HYPK: variants seen among roughly 807,000 people sequenced by gnomAD.
HYPK encodes the protein huntingtin-interacting protein K.
A neutral mutation model predicts 13.9 loss-of-function variants in HYPK; 9 were observed. That is an observed-to-expected ratio of 0.65 (90% CI 0.39 to 1.13). HYPK has a LOEUF of 1.13. HYPK is among the 50% of genes most tolerant of loss of function. The probability of loss-of-function intolerance (pLI) is 0.01; values close to 1 mark genes in which losing one functional copy is unlikely to be tolerated. For synonymous variants in HYPK, 76 were observed against 57.0 expected (o/e 1.33, Z -1.50); for missense variants, 138 against 157.6 (o/e 0.88, Z 0.67).
rs186745169 is a variant in HYPK, at chr15:43,802,739, G to C, written c.*933G>C. 2.6e-5 allele frequency: 4 copies of C among 152,234 alleles called. No individual in the cohort carries two copies. The highest frequency in any genetic ancestry group is 6.6e-5 in the Admixed American group (1 of 15,264). The allele number at this position is 152,234 out of a possible 1,614,324, so 9.4% of individuals were successfully genotyped here. A position where few individuals can be genotyped will look rare whatever the true frequency, so the allele number is the denominator to read the frequency against. On this transcript the variant is annotated 3_prime_UTR_variant, in exon 4 of 4. Coordinates refer to ENST00000442995, the MANE Select transcript of HYPK (RefSeq NM_016400.4). ...ATACAAAAAAAATAAAATTAGCCAG[G>C]CGTGGTGGTGCATGCCTGTAGTCCC...
chr15:43,804,361 G>C lies in HYPK; in HGVS notation c.*2555G>C, dbSNP rs1163074764. 1 of 152,144 alleles carries C rather than the reference G, an allele frequency of 6.6e-6. No homozygotes were observed. The highest frequency in any genetic ancestry group is 1.9e-4 in the East Asian group (1 of 5,194). The allele number at this position is 152,144 out of a possible 1,614,324, so 9.4% of individuals were successfully genotyped here. Reference sequence around the variant, plus strand: ...TTCCAGTGGGACATTTAAAGGATGTGAGAAGACCTTGGTCTTCTCAAAAAC... The same window carrying C: ...TTCCAGTGGGACATTTAAAGGATGTCAGAAGACCTTGGTCTTCTCAAAAAC... On this transcript the variant is annotated 3_prime_UTR_variant, in exon 4 of 4. Coordinates refer to ENST00000442995, the MANE Select transcript of HYPK (RefSeq NM_016400.4).
In HYPK at chr15:43,804,311, C is replaced by G. The variant is rs899105175; in HGVS notation, c.*2505C>G. Among the ~76,000 whole-genome samples the G allele has an allele frequency of 2.6e-5, 4 of 152,140 alleles. No individual in the cohort carries two copies. Among genetic ancestry groups the G allele is most frequent in the Non-Finnish European group, 5.9e-5 (4 of 68,010 alleles). ...AGTAATTATTTGCATTCATTTTTAT[C>G]GTACGACACTAAACTATTTGATTCT... On this transcript the variant is annotated 3_prime_UTR_variant, in exon 4 of 4. Transcript: ENST00000442995.
At chr15:43,800,533 C>T (rs749377119), upstream of HYPK, 37 of 1,552,452 alleles carry the variant, frequency 2.4e-5, no homozygotes, top group Non-Finnish European at 3.3e-5. Flanking sequence ...TGGCCCAGGG[C>T]CAGCCCCGCC....
chr15:43,800,464 T>C, upstream of HYPK: 1 of 978,588 alleles, frequency 1.0e-6, no homozygotes, highest in Non-Finnish European at 1.6e-6. Context: ...CGAAAGGAAG[T>C]CTGAGAGACG....
upstream of HYPK, chr15:43,800,505 T>C: frequency 1.5e-6 from 2 of 1,340,388 alleles, no homozygotes; most frequent in Non-Finnish European, 2.1e-6. Flanking sequence ...CTTCTAGAAC[T>C]GGAGCAGAAA....
intron 3 of HYPK, 69 bp downstream of exon 3, chr15:43,801,638 A>C: frequency 6.2e-7 from 1 of 1,609,048 alleles, no homozygotes; most frequent in East Asian, 2.2e-5. Context: ...TTGTTTCCTG[A>C]AACAAGCGGA....
intron 1 of HYPK, 32 bp downstream of exon 1, chr15:43,800,816 CTG>C (rs1279134881): frequency 6.4e-7 from 1 of 1,571,170 alleles, no homozygotes; most frequent in Non-Finnish European, 8.7e-7. Flanking sequence ...TCGGGGCGGG[CTG>C]AGAGCAGAGG....
chr15:43,801,305 A>C (rs766662271), intron 2 of HYPK, 118 bp downstream of exon 2: 7 of 986,066 alleles, frequency 7.1e-6, no homozygotes, highest in Non-Finnish European at 1.1e-5. Context: ...ATTCCTGCAG[A>C]TCTAGGCGCC....
chr15:43,800,889 A>C (rs1344167394), intron 1 of HYPK, 105 bp downstream of exon 1: 3 of 1,163,336 alleles, frequency 2.6e-6, no homozygotes, highest in Non-Finnish European at 3.6e-6. Context: ...TCCCGTTGGC[A>C]GGAGGAGGCA....
In HYPK at chr15:43,803,968, T is replaced by C. The variant is rs1186750071; in HGVS notation, c.*2162T>C. The stretch of plus-strand genomic sequence containing the variant: ...AAGATCAAGACCATCCTGGCTAACA[T>C]GGTGAAACCCCGTCTCTACTAAAAA... On this transcript the variant is annotated 3_prime_UTR_variant, in exon 4 of 4. Transcript: ENST00000442995. Among the ~76,000 whole-genome samples, 1 of 151,206 alleles carries C rather than the reference T, an allele frequency of 6.6e-6. No homozygotes were observed. The highest frequency in any genetic ancestry group is 6.6e-5 in the Admixed American group (1 of 15,186).
rs1491392249 is a variant in HYPK, at chr15:43,803,825, C to CA, written c.*2020dup. Among the ~76,000 whole-genome samples, 3 of 150,544 alleles carry CA rather than the reference C, an allele frequency of 2.0e-5. No homozygotes were observed. Among genetic ancestry groups the CA allele is most frequent in the Admixed American group, 6.6e-5 (1 of 15,108 alleles). ...AAAAAAAAATCAGCTTGGACCAACT[C>CA]ACACATGTTGAACTAGTTTCCTCAA... On this transcript the variant is annotated 3_prime_UTR_variant, in exon 4 of 4. Transcript: ENST00000442995.
Position 43,803,206 on chromosome 15 carries a change from T to A in HYPK, c.*1400T>A, listed in dbSNP as rs1036311347. 7.0e-6 allele frequency among the ~76,000 whole-genome samples: 1 copy of A among 142,686 alleles called. No individual in the cohort carries two copies. Among genetic ancestry groups the A allele is most frequent in the Non-Finnish European group, 1.5e-5 (1 of 65,684 alleles). 93.6% of individuals were successfully genotyped at this position (142,686 alleles called of 152,430 possible). A position where few individuals can be genotyped will look rare whatever the true frequency, so the allele number is the denominator to read the frequency against. ...GATTTCCAGACCAGCCTGGGCAACATAGCATGACCTTGTCTCTACTAAAAT... is the reference window on the plus strand; with the variant it reads ...GATTTCCAGACCAGCCTGGGCAACAAAGCATGACCTTGTCTCTACTAAAAT... On this transcript the variant is annotated 3_prime_UTR_variant, in exon 4 of 4. Transcript: ENST00000442995.
In HYPK at chr15:43,803,227, A is replaced by G. The variant is rs1287829910; in HGVS notation, c.*1421A>G. Among the ~76,000 whole-genome samples the G allele has an allele frequency of 6.6e-6, 1 of 150,912 alleles. No individual in the cohort carries two copies. Among genetic ancestry groups the G allele is most frequent in the Non-Finnish European group, 1.5e-5 (1 of 67,736 alleles). On this transcript the variant is annotated 3_prime_UTR_variant, in exon 4 of 4. Transcript: ENST00000442995. ...AACATAGCATGACCTTGTCTCTACT[A>G]AAATTAAAAAAAAAAAAAGCCAGGC...
intron 1 of HYPK, 91 bp downstream of exon 1, chr15:43,800,875 C>G (rs2087304549): frequency 1.6e-6 from 2 of 1,274,252 alleles, no homozygotes; most frequent in African/African-American, 3.0e-5. Context: ...AGACGGGGTT[C>G]TGATCCCGTT....
At chr15:43,801,253 A>G in intron 2 of HYPK, 66 bp downstream of exon 2, 1 of 1,349,972 alleles carries the variant, frequency 7.4e-7, no homozygotes, top group Non-Finnish European at 1.1e-6. Flanking sequence ...AAAAATAAAA[A>G]CCATTATTAA....
At position 43,801,899 on chromosome 15, in the gene HYPK, G is replaced by C. The variant is rs2087322497; in HGVS notation, c.*93G>C. Reference sequence around the variant, plus strand: ...GTTTTATCATCTTGGGTCAAGTAGAGTGTATACTATATCCTATGTTGTGGA... The same window carrying C: ...GTTTTATCATCTTGGGTCAAGTAGACTGTATACTATATCCTATGTTGTGGA... On this transcript the variant is annotated 3_prime_UTR_variant, in exon 4 of 4. Coordinates refer to ENST00000442995, the MANE Select transcript of HYPK (RefSeq NM_016400.4). 2 of 945,784 alleles carry C rather than the reference G, an allele frequency of 2.1e-6. No individual in the cohort carries two copies. Among genetic ancestry groups the C allele is most frequent in the African/African-American group, 3.3e-5 (2 of 61,426 alleles). 58.6% of individuals were successfully genotyped at this position (945,784 alleles called of 1,614,324 possible). A position where few individuals can be genotyped will look rare whatever the true frequency, so the allele number is the denominator to read the frequency against.
upstream of HYPK, chr15:43,800,467 G>C (rs1036372332): frequency 9.7e-7 from 1 of 1,034,336 alleles, no homozygotes. Context: ...AAGGAAGTCT[G>C]AGAGACGAAC....
chr15:43,800,581 C>A (rs114182390), upstream of HYPK: 31 of 1,612,468 alleles, frequency 1.9e-5, no homozygotes, highest in East Asian at 6.9e-4. Context: ...TGCCGGAAGT[C>A]GGCGTGAGGT....
intron 2 of HYPK, 159 bp downstream of exon 2, chr15:43,801,346 C>T: frequency 1.2e-6 from 1 of 820,540 alleles, no homozygotes; most frequent in South Asian, 1.7e-5. Context: ...AGAAGGCCTC[C>T]TGGCAACACC....
Sources: gnomAD v4.1 joint callset for allele counts (sites outside exome capture counted in the v4.1 genomes callset) on GRCh38, gnomAD v4.1.1 for gene constraint, MANE v1.5 for transcripts, NCBI Gene and HGNC (gene_info 2026-07-23, HGNC 2026-07-21) for gene names.